Variants in ERC1 observed in about 807,000 individuals in gnomAD.
ERC1 encodes ELKS/RAB6-interacting/CAST family member 1, also known as RAB6 interacting protein 2.
A neutral mutation model predicts 132.0 loss-of-function variants in ERC1; 56 were observed. That is an observed-to-expected ratio of 0.42 (90% CI 0.34 to 0.53). The LOEUF (loss-of-function observed/expected upper bound fraction) is 0.53. ERC1 is among the 20% of genes least tolerant of loss of function. ERC1 has a pLI of 0.03. For synonymous variants in ERC1, 478 were observed against 476.1 expected (o/e 1.00, Z -0.05); for missense variants, 1,202 against 1,349.9 (o/e 0.89, Z 1.72).
At chr12:1,205,156 A>G (rs946687346) in intron 12 of ERC1, among the ~76,000 whole-genome samples, 1 of 152,208 alleles carries the variant, frequency 6.6e-6, no homozygotes, top group African/African-American at 2.4e-5. Flanking sequence ...ACAAGTGCAG[A>G]GACCATTAAG....
intron 14 of ERC1, among the ~76,000 whole-genome samples, chr12:1,263,818 T>C (rs1396047765): frequency 2.6e-5 from 4 of 152,058 alleles, no homozygotes; most frequent in Non-Finnish European, 5.9e-5. Flanking sequence ...ACCTCCCGAG[T>C]AGCTGGGATT....
intron 17 of ERC1, among the ~76,000 whole-genome samples, chr12:1,438,377 A>G (rs2093003771): frequency 6.6e-6 from 1 of 152,204 alleles, no homozygotes; most frequent in Non-Finnish European, 1.5e-5. Flanking sequence ...TGGAAAGTTA[A>G]TCTGTTATTC....
At chr12:1,278,803 A>G (rs1336735072) in intron 14 of ERC1, among the ~76,000 whole-genome samples, 1 of 152,218 alleles carries the variant, frequency 6.6e-6, no homozygotes, top group African/African-American at 2.4e-5. Flanking sequence ...TTAGAGTTTT[A>G]ATAGAACCCT....
intron 3 of ERC1, among the ~76,000 whole-genome samples, chr12:1,095,166 A>T (rs1943852025): frequency 6.6e-6 from 1 of 152,216 alleles, no homozygotes; most frequent in Admixed American, 6.5e-5. Context: ...GTGGTGGCTC[A>T]TACCTGTAAT....
At chr12:1,248,165 T>G (rs1361568561) in intron 13 of ERC1, among the ~76,000 whole-genome samples, 1 of 152,178 alleles carries the variant, frequency 6.6e-6, no homozygotes, top group Non-Finnish European at 1.5e-5. Flanking sequence ...AAGGTTTAAT[T>G]TTACTCATTT....
chr12:1,146,545 T>G (rs1950385799), intron 8 of ERC1, among the ~76,000 whole-genome samples: 1 of 151,912 alleles, frequency 6.6e-6, no homozygotes, highest in South Asian at 2.1e-4. Context: ...TGACTTCCTC[T>G]TTACTGATTT....
In ERC1 at chr12:991,280, T is replaced by TA. The variant is rs1565725973; in HGVS notation, c.-199_-198insA. The TA allele has an allele frequency of 1.2e-5, 2 of 163,966 alleles. No homozygotes were observed. Among genetic ancestry groups the TA allele is most frequent in the African/African-American group, 2.5e-5 (1 of 40,674 alleles). 10.2% of individuals were successfully genotyped at this position (163,966 alleles called of 1,614,324 possible). ...GCGGCGGTAGTGGCGGCGGCGGCGG[T>TA]GCCTGGGCGGCAGCAGCAGCAGTAG... On this transcript the variant is annotated 5_prime_UTR_variant, in exon 1 of 19. Transcript: ENST00000360905.
chr12:1,278,765 G>A (rs1021236336), intron 14 of ERC1, among the ~76,000 whole-genome samples: 1 of 152,002 alleles, frequency 6.6e-6, no homozygotes, highest in Admixed American at 6.6e-5. Context: ...TAATTACCTT[G>A]TGTTTATCTT....
At chr12:1,241,929 G>A (rs1202030019) in intron 13 of ERC1, among the ~76,000 whole-genome samples, 1 of 141,240 alleles carries the variant, frequency 7.1e-6, no homozygotes, top group Non-Finnish European at 1.5e-5. Context: ...TGTGATCTCG[G>A]TTTGCTGCAA....
chr12:999,550 G>C (rs1961720181), intron 1 of ERC1, among the ~76,000 whole-genome samples: 1 of 148,810 alleles, frequency 6.7e-6, no homozygotes, highest in South Asian at 2.1e-4. Flanking sequence ...TGGTGTGAAT[G>C]TTTCTATGAG....
At chr12:1,439,962 C>T (rs1321364599) in intron 17 of ERC1, among the ~76,000 whole-genome samples, 2 of 152,076 alleles carry the variant, frequency 1.3e-5, no homozygotes, top group African/African-American at 4.8e-5. Flanking sequence ...TTCCGAGAGG[C>T]TTAAGTAGTT....
intron 1 of ERC1, among the ~76,000 whole-genome samples, chr12:1,014,860 T>A (rs1437480458): frequency 6.6e-6 from 1 of 151,818 alleles, no homozygotes; most frequent in African/African-American, 2.4e-5. Context: ...GTCTCCCAGG[T>A]TGAAGTGATT....
chr12:1,375,022 A>G (rs1269828052), intron 16 of ERC1, among the ~76,000 whole-genome samples: 2 of 152,116 alleles, frequency 1.3e-5, no homozygotes, highest in African/African-American at 4.8e-5. Context: ...GAGGGATACA[A>G]AAGCACAGTG....
At position 1,361,072 on chromosome 12, in the gene ERC1, T is replaced by C. The variant is rs145551206; in HGVS notation, c.2781-10761T>C. ...ATGATCTCACCACTGCACTCCAGCC[T>C]GGGTGATGGGAGTGAGGCTCTGTCT... On this transcript the variant is annotated intron_variant, in intron 15 of 18. Coordinates refer to ENST00000360905, the MANE Select transcript of ERC1 (RefSeq NM_178040.4). 3.2e-3 allele frequency among the ~76,000 whole-genome samples: 424 copies of C among 130,998 alleles called. 3 individuals carry two copies. The highest frequency in any genetic ancestry group is 0.012 in the African/African-American group (401 of 33,564). 85.9% of individuals were successfully genotyped at this position (130,998 alleles called of 152,430 possible).
intron 8 of ERC1, among the ~76,000 whole-genome samples, chr12:1,171,356 C>CTTTTTT (rs57007848): frequency 2.3e-5 from 2 of 87,296 alleles, no homozygotes; most frequent in African/African-American, 4.1e-5. Context: ...GCAAAACATT[C>CTTTTTT]TTTTTTTTTT....
At position 1,452,688 on chromosome 12, in the gene ERC1, C is replaced by A. The variant is rs190074373; in HGVS notation, c.3213+7938C>A. Among the ~76,000 whole-genome samples the A allele has an allele frequency of 2.0e-5, 3 of 152,158 alleles. No individual in the cohort carries two copies. In the East Asian group the frequency reaches 5.8e-4, roughly 29 times the overall value. ...ATTAGTTTGGATAATTTATATTGAT[C>A]TATACTTAAGTTCACTTTCTTTTTG... On this transcript the variant is annotated intron_variant, in intron 18 of 18. Transcript: ENST00000360905.
At chr12:1,461,167 G>A (rs1025785344) in intron 18 of ERC1, among the ~76,000 whole-genome samples, 3 of 151,832 alleles carry the variant, frequency 2.0e-5, no homozygotes, top group Non-Finnish European at 4.4e-5. Flanking sequence ...CCATCACTTA[G>A]TGCCCATCCC....
intron 8 of ERC1, among the ~76,000 whole-genome samples, chr12:1,154,864 C>T (rs1951217880): frequency 6.6e-6 from 1 of 152,132 alleles, no homozygotes; most frequent in South Asian, 2.1e-4. Context: ...AGATACCACC[C>T]TACCCCATCC....
intron 2 of ERC1, among the ~76,000 whole-genome samples, chr12:1,075,155 T>G (rs1307418155): frequency 6.6e-6 from 1 of 152,124 alleles, no homozygotes; most frequent in Non-Finnish European, 1.5e-5. Flanking sequence ...TTAAATTAGT[T>G]TCTTCTTTTA....
Sources: allele counts gnomAD v4.1 joint callset (sites outside exome capture counted in the v4.1 genomes callset), GRCh38; gene constraint gnomAD v4.1.1; transcripts MANE v1.5; gene names NCBI Gene and HGNC (gene_info 2026-07-23, HGNC 2026-07-21).